The following JRK variants were observed in gnomAD, a reference collection of about 807,000 sequenced individuals.
JRK encodes jerky protein homolog.
For synonymous variants in JRK, 303 were observed against 218.1 expected (o/e 1.39, Z -3.43); for missense variants, 720 against 509.2 (o/e 1.41, Z -3.98).
At chr8:142,669,197 T>TGTGTGTGC (rs1409456082) in intron 1 of JRK, among the ~76,000 whole-genome samples, 4 of 56,830 alleles carry the variant, frequency 7.0e-5, no homozygotes, top group East Asian at 6.5e-4. Context: ...TGTGTGTGTG[T>TGTGTGTGC]GTGCGTGTGT....
chr8:142,659,841 C>T lies in JRK; in HGVS notation c.*4511G>A. On this transcript the variant is annotated 3_prime_UTR_variant, in exon 2 of 2. Transcript: ENST00000612905. The stretch of plus-strand genomic sequence containing the variant: ...TCTCCCTCTGCCCTCAGCAACTTCA[C>T]ACCTGCCCCTCCCTGGGCCCCAGTC... 2.0e-6 allele frequency: 2 copies of T among 985,618 alleles called. No individual in the cohort carries two copies. The highest frequency in any genetic ancestry group is 3.5e-5 in the African/African-American group (2 of 57,362). 61.1% of individuals were successfully genotyped at this position (985,618 alleles called of 1,614,324 possible). A position where few individuals can be genotyped will look rare whatever the true frequency, so the allele number is the denominator to read the frequency against.
At position 142,664,305 on chromosome 8, in the gene JRK, G is replaced by A; in HGVS notation, c.*47C>T. On this transcript the variant is annotated 3_prime_UTR_variant, in exon 2 of 2. Transcript: ENST00000612905. The stretch of plus-strand genomic sequence containing the variant: ...GGGCACAGGACCATGCCACTCCAGG[G>A]TGTGGGGAGAAACAGGGCCAGTGGC... 6.6e-7 allele frequency: 1 copy of A among 1,512,308 alleles called. No homozygotes were observed. Among genetic ancestry groups the A allele is most frequent in the Non-Finnish European group, 8.9e-7 (1 of 1,129,174 alleles). 93.7% of individuals were successfully genotyped at this position (1,512,308 alleles called of 1,614,324 possible).
At chr8:142,669,552 C>T (rs1325943096) in intron 1 of JRK, among the ~76,000 whole-genome samples, 2 of 152,170 alleles carry the variant, frequency 1.3e-5, no homozygotes, top group Non-Finnish European at 1.5e-5. Flanking sequence ...AAGTCTCGGT[C>T]TGGTTTTTTA....
chr8:142,645,357 T>G, the JRK span, among the ~76,000 whole-genome samples: 1 of 152,178 alleles, frequency 6.6e-6, no homozygotes, highest in African/African-American at 2.4e-5. Flanking sequence ...ACAACTTGAT[T>G]GCATAAAAGT....
chr8:142,651,753 C>CT, the JRK span, among the ~76,000 whole-genome samples: 2 of 152,178 alleles, frequency 1.3e-5, no homozygotes, highest in Non-Finnish European at 2.9e-5. Context: ...ACTGAGTGCT[C>CT]TAACAGTAAG....
In JRK at chr8:142,662,386, C is replaced by A. The variant is rs115410285; in HGVS notation, c.*1966G>T. On this transcript the variant is annotated 3_prime_UTR_variant, in exon 2 of 2. Transcript: ENST00000612905. ...GGACATGTTCTAACCTCCTGTGTTG[C>A]CTCAAGCAGCTGCAATCCAGCAGTC... 1,317 of 985,426 alleles carry A rather than the reference C, an allele frequency of 1.3e-3. 17 individuals carry two copies. The African/African-American group carries it at 0.021, about 16-fold the overall frequency. 61.0% of individuals were successfully genotyped at this position (985,426 alleles called of 1,614,324 possible).
rs1232428020 is a variant in JRK at position 142,660,751 on chromosome 8, A to G, written c.*3601T>C. 5.4e-5 allele frequency: 53 copies of G among 985,386 alleles called. No individual in the cohort carries two copies. Among genetic ancestry groups the G allele is most frequent in the Non-Finnish European group, 6.0e-5 (50 of 830,010 alleles). 61.0% of individuals were successfully genotyped at this position (985,386 alleles called of 1,614,324 possible). ...GCGTGAGGTGAGGTCCCTGAGGTGCAGTGTGGACGGGTCTTGATTTGTCCC... is the reference window on the plus strand; with the variant it reads ...GCGTGAGGTGAGGTCCCTGAGGTGCGGTGTGGACGGGTCTTGATTTGTCCC... On this transcript the variant is annotated 3_prime_UTR_variant, in exon 2 of 2. Transcript: ENST00000612905.
chr8:142,651,856 A>G, the JRK span, among the ~76,000 whole-genome samples: 2 of 152,134 alleles, frequency 1.3e-5, no homozygotes, highest in African/African-American at 4.8e-5. Flanking sequence ...CAGGCTGAAG[A>G]CTGCTCTCCA....
chr8:142,666,761 A>G (rs1381870195), intron 1 of JRK, among the ~76,000 whole-genome samples: 2 of 152,228 alleles, frequency 1.3e-5, no homozygotes, highest in Non-Finnish European at 1.5e-5. Context: ...AACTGAAGCC[A>G]TTCGCTAGGG....
At chr8:142,669,776 C>G (rs1554636988) in intron 1 of JRK, among the ~76,000 whole-genome samples, 156 bp downstream of exon 1, 1 of 148,442 alleles carries the variant, frequency 6.7e-6, no homozygotes. Context: ...GGTCCGGCCC[C>G]GCAGCCTCGC....
chr8:142,661,333 G>C lies in JRK; in HGVS notation c.*3019C>G. ...CTGAATTCACCATGCCACCCTGAAAGTATGGCCTCTCCTGGGCATCCCGAG... is the reference window on the plus strand; with the variant it reads ...CTGAATTCACCATGCCACCCTGAAACTATGGCCTCTCCTGGGCATCCCGAG... On this transcript the variant is annotated 3_prime_UTR_variant, in exon 2 of 2. Coordinates refer to ENST00000612905, the MANE Select transcript of JRK (RefSeq NM_003724.4). 1 of 985,522 alleles carries C rather than the reference G, an allele frequency of 1.0e-6. No homozygotes were observed. 61.0% of individuals were successfully genotyped at this position (985,522 alleles called of 1,614,324 possible).
chr8:142,657,505 C>A lies in JRK; in HGVS notation c.*6847G>T. The A allele has an allele frequency of 6.3e-6, 1 of 159,072 alleles. No homozygotes were observed. Among genetic ancestry groups the A allele is most frequent in the South Asian group, 1.9e-4 (1 of 5,134 alleles). 9.9% of individuals were successfully genotyped at this position (159,072 alleles called of 1,614,324 possible). A position where few individuals can be genotyped will look rare whatever the true frequency, so the allele number is the denominator to read the frequency against. On this transcript the variant is annotated 3_prime_UTR_variant, in exon 2 of 2. Coordinates refer to ENST00000612905, the MANE Select transcript of JRK (RefSeq NM_003724.4). Reference sequence around the variant, plus strand: ...TTTATTTGGCTCACAGTTCTGCAGGCTGTACAAGCAGCATGGTGCCAGCAT... The same window carrying A: ...TTTATTTGGCTCACAGTTCTGCAGGATGTACAAGCAGCATGGTGCCAGCAT...
intron 1 of JRK, among the ~76,000 whole-genome samples, chr8:142,669,045 C>T (rs1847224594): frequency 1.3e-5 from 2 of 152,072 alleles, no homozygotes; most frequent in South Asian, 2.1e-4. Context: ...GTGCCCAAGG[C>T]ACAGACAAGA....
the JRK span, among the ~76,000 whole-genome samples, chr8:142,650,120 A>T: frequency 6.6e-6 from 1 of 152,264 alleles, no homozygotes; most frequent in Non-Finnish European, 1.5e-5. Context: ...GCTGGATTTC[A>T]GACTTGCATG....
At chr8:142,654,862 G>A (rs587747489), downstream of JRK, among the ~76,000 whole-genome samples, 12 of 151,784 alleles carry the variant, frequency 7.9e-5, no homozygotes, top group Non-Finnish European at 1.8e-4. Context: ...AGAGCAAGCA[G>A]AAGACCTAGG....
chr8:142,665,179 C>A lies in JRK; in HGVS notation c.880G>T (p.Ala294Ser). The A allele has an allele frequency of 1.4e-6, 1 of 717,964 alleles. No homozygotes were observed. Among genetic ancestry groups the A allele is most frequent in the South Asian group, 1.5e-5 (1 of 67,608 alleles). 44.5% of individuals were successfully genotyped at this position (717,964 alleles called of 1,614,324 possible). A position where few individuals can be genotyped will look rare whatever the true frequency, so the allele number is the denominator to read the frequency against. The stretch of plus-strand genomic sequence containing the variant: ...CGGGAGCTGTCCAGCAAGAGAACGG[C>A]TTTGCTGTCTTCCGGCAAACCTATG... ...RTIGLPEDSKAVLLLDSSRAH... is the reference protein window; with the variant it reads ...RTIGLPEDSKSVLLLDSSRAH... Residue 294 changes from alanine to serine, a missense_variant, in exon 2 of 2, where the codon GCC becomes TCC. By Grantham distance (99) the Ala-to-Ser change is moderately conservative. Coordinates refer to ENST00000612905, the MANE Select transcript of JRK (RefSeq NM_003724.4).
Position 142,664,735 on chromosome 8 carries a change from C to A in JRK, c.1324G>T (p.Val442Leu), listed in dbSNP as rs781858612. 5 of 1,599,664 alleles carry A rather than the reference C, an allele frequency of 3.1e-6. No homozygotes were observed. The Admixed American group carries it at 6.9e-5, about 22-fold the overall frequency. ...CCCCCTTCTGCCTCCCTTCCCGCTA[C>A]CCCCCAGCTGGCGGCCTGGCGCTGG... ...LRQRQAASWG[V>L]AGREAEGGRP... Residue 442 changes from valine to leucine, a missense_variant, in exon 2 of 2, where the codon GTA (valine) becomes TTA (leucine). Transcript: ENST00000612905.
rs1411074354 is a variant in JRK, at chr8:142,664,024, C to T, written c.*328G>A. 8.0e-6 allele frequency: 9 copies of T among 1,130,298 alleles called. No individual in the cohort carries two copies. Among genetic ancestry groups the T allele is most frequent in the Admixed American group, 4.5e-5 (1 of 21,998 alleles). The allele number at this position is 1,130,298 out of a possible 1,614,324, so 70.0% of individuals were successfully genotyped here. ...CTCTGATACTGCAATGATCAGCCAG[C>T]GAACACGAGACCAGATCGGCTCAGC... On this transcript the variant is annotated 3_prime_UTR_variant, in exon 2 of 2. Transcript: ENST00000612905.
Position 142,658,967 on chromosome 8 carries a change from C to T in JRK, c.*5385G>A, listed in dbSNP as rs782784976. On this transcript the variant is annotated 3_prime_UTR_variant, in exon 2 of 2. Coordinates refer to ENST00000612905, the MANE Select transcript of JRK (RefSeq NM_003724.4). ...CTCCTGAAACAACAGAACTTTGCTG[C>T]TTCATGGAGGAGCGTCAGTATGTCC... is the stretch of plus-strand genomic sequence containing the variant. 2.5e-6 allele frequency: 4 copies of T among 1,609,136 alleles called. No homozygotes were observed. Among genetic ancestry groups the T allele is most frequent in the South Asian group, 2.2e-5 (2 of 89,950 alleles).
Sources: allele counts gnomAD v4.1 joint callset (sites outside exome capture counted in the v4.1 genomes callset), GRCh38; gene constraint gnomAD v4.1.1; transcripts MANE v1.5; gene names NCBI Gene and HGNC (gene_info 2026-07-23, HGNC 2026-07-21).